SLIT3: variants seen among roughly 807,000 people sequenced by gnomAD.
SLIT3 encodes the protein slit homolog 3 protein.
Under a neutral mutation model 184.0 loss-of-function variants are expected in SLIT3, and 68 were observed. That is an observed-to-expected ratio of 0.37 (90% CI 0.30 to 0.45). The LOEUF (loss-of-function observed/expected upper bound fraction) is 0.45. SLIT3 is among the 20% of genes least tolerant of loss of function. The pLI is 1.00. For synonymous variants in SLIT3, 831 were observed against 828.6 expected, an observed-to-expected ratio of 1.00 and a Z score of -0.05; for missense variants, 1,707 against 2,026.0, an observed-to-expected ratio of 0.84 and a Z score of 3.02.
intron 4 of SLIT3, among the ~76,000 whole-genome samples, chr5:169,124,107 A>C (rs1356813440): frequency 1.3e-5 from 2 of 152,290 alleles, no homozygotes; most frequent in African/African-American, 4.8e-5. Context: ...TCCTAGTCTT[A>C]AAATCTGTAA....
intron 17 of SLIT3, 94 bp from the exon 18 acceptor site, chr5:168,753,192 T>A: frequency 1.5e-6 from 2 of 1,362,174 alleles, no homozygotes; most frequent in Non-Finnish European, 2.0e-6. Context: ...ATAGGTGAGA[T>A]GCTTTTGCCA....
rs550276530 is a variant in SLIT3, at chr5:169,194,285, A to G, written c.342-735T>C. ...AAAGAAGAAAAAGAAACCTTAAATG[A>G]AATATCAGAGGAAATATTCAGGATC... On this transcript the variant is annotated intron_variant, in intron 3 of 35. Coordinates refer to ENST00000519560, the MANE Select transcript of SLIT3 (RefSeq NM_003062.4). Among the ~76,000 whole-genome samples the G allele has an allele frequency of 2.0e-5, 3 of 151,492 alleles. No homozygotes were observed. In the South Asian group the frequency reaches 6.2e-4, roughly 32 times the overall value.
At chr5:169,099,655 G>T (rs1423456476) in intron 4 of SLIT3, among the ~76,000 whole-genome samples, 1 of 152,208 alleles carries the variant, frequency 6.6e-6, no homozygotes, top group Non-Finnish European at 1.5e-5. Flanking sequence ...CAGGCAGTCT[G>T]CCTTCCCAGC....
intron 4 of SLIT3, among the ~76,000 whole-genome samples, chr5:168,934,965 T>TAAA (rs59434182): frequency 8.3e-6 from 1 of 120,466 alleles, no homozygotes. Context: ...CCATCTCTAC[T>TAAA]AAAAAAAAAA....
intron 5 of SLIT3, among the ~76,000 whole-genome samples, chr5:168,873,183 C>A (rs900291881): frequency 1.3e-4 from 20 of 152,280 alleles, no homozygotes; most frequent in Non-Finnish European, 2.8e-4. Context: ...CCACGCTAAT[C>A]TTGGGATCCC....
At chr5:168,811,643 A>C (rs1757160347) in intron 8 of SLIT3, among the ~76,000 whole-genome samples, 1 of 152,210 alleles carries the variant, frequency 6.6e-6, no homozygotes, top group Non-Finnish European at 1.5e-5. Context: ...TCCATCTTTA[A>C]AAAACCTCAT....
chr5:168,824,080 C>G (rs936638908), intron 6 of SLIT3, among the ~76,000 whole-genome samples: 14 of 152,162 alleles, frequency 9.2e-5, no homozygotes, highest in African/African-American at 2.9e-4. Flanking sequence ...TCTCAAGTAG[C>G]TGGAATTACA....
At chr5:169,059,858 C>T (rs1476840162) in intron 4 of SLIT3, among the ~76,000 whole-genome samples, 1 of 152,190 alleles carries the variant, frequency 6.6e-6, no homozygotes, top group East Asian at 1.9e-4. Context: ...TATTGAAATT[C>T]TAATGCCCAA....
At chr5:169,133,508 G>A (rs1365564540) in intron 4 of SLIT3, among the ~76,000 whole-genome samples, 1 of 152,210 alleles carries the variant, frequency 6.6e-6, no homozygotes, top group South Asian at 2.1e-4. Context: ...GTCACTGAGC[G>A]ACATGCTGAC....
At chr5:169,121,986 C>T (rs1214013201) in intron 4 of SLIT3, among the ~76,000 whole-genome samples, 4 of 152,204 alleles carry the variant, frequency 2.6e-5, no homozygotes, top group South Asian at 2.1e-4. Context: ...GACACTCACT[C>T]GGTTTACCAA....
intron 5 of SLIT3, among the ~76,000 whole-genome samples, chr5:168,878,681 A>G (rs1759830940): frequency 6.7e-6 from 1 of 149,248 alleles, no homozygotes; most frequent in Non-Finnish European, 1.5e-5. Context: ...TGAAAACTTA[A>G]TTTTATGTGG....
At chr5:169,002,006 G>A (rs1459080202) in intron 4 of SLIT3, among the ~76,000 whole-genome samples, 1 of 151,966 alleles carries the variant, frequency 6.6e-6, no homozygotes, top group African/African-American at 2.4e-5. Flanking sequence ...ATGGGGGTAT[G>A]AAGGTAATTA....
chr5:169,169,026 T>G (rs572423913), intron 4 of SLIT3, among the ~76,000 whole-genome samples: 1 of 122,552 alleles, frequency 8.2e-6, no homozygotes, highest in African/African-American at 2.6e-5. Context: ...CAGAGCAGGG[T>G]CAGCCCAGAG....
intron 32 of SLIT3, among the ~76,000 whole-genome samples, chr5:168,677,190 G>C (rs536838845): frequency 6.6e-6 from 1 of 152,310 alleles, no homozygotes; most frequent in African/African-American, 2.4e-5. Context: ...CCAGCTGAGG[G>C]ACCCTGGGCA....
intron 3 of SLIT3, among the ~76,000 whole-genome samples, chr5:169,198,430 G>A (rs2113481405): frequency 6.6e-6 from 1 of 152,334 alleles, no homozygotes; most frequent in Middle Eastern, 3.4e-3. Context: ...AGGGCCAGGA[G>A]ACAGGAGCAT....
chr5:169,113,658 C>CTTTT (rs869209479), intron 4 of SLIT3, among the ~76,000 whole-genome samples: 1 of 131,422 alleles, frequency 7.6e-6, no homozygotes, highest in Non-Finnish European at 1.6e-5. Flanking sequence ...TTTTCTTTTT[C>CTTTT]TTTTTTTTTT....
At chr5:168,819,766 A>G (rs1028293212) in intron 7 of SLIT3, among the ~76,000 whole-genome samples, 2 of 152,194 alleles carry the variant, frequency 1.3e-5, no homozygotes, top group African/African-American at 4.8e-5. Flanking sequence ...TCCTGTCTCA[A>G]TCCTGGCTGG....
intron 4 of SLIT3, among the ~76,000 whole-genome samples, chr5:169,017,393 G>A (rs1756426550): frequency 1.3e-5 from 2 of 152,196 alleles, no homozygotes; most frequent in African/African-American, 4.8e-5. Context: ...ATACGGAAAT[G>A]TTAACGAAAG....
chr5:169,231,902 A>G (rs571420325), intron 3 of SLIT3, among the ~76,000 whole-genome samples: 187 of 152,310 alleles, frequency 1.2e-3, no homozygotes, highest in African/African-American at 4.4e-3. Flanking sequence ...ATATTTCCCT[A>G]AAGACTAATG....
Sources: gnomAD v4.1 joint callset for allele counts (sites outside exome capture counted in the v4.1 genomes callset) on GRCh38, gnomAD v4.1.1 for gene constraint, MANE v1.5 for transcripts, NCBI Gene and HGNC (gene_info 2026-07-23, HGNC 2026-07-21) for gene names.